The following YY1AP1 variants were observed in gnomAD, a reference collection of about 807,000 sequenced individuals.
YY1AP1 encodes the protein YY1-associated protein 1.
Under a neutral mutation model 39.9 loss-of-function variants are expected in YY1AP1, and 43 were observed. The ratio of observed to expected loss-of-function variants is 1.08; its 90% CI spans 0.84 to 1.39. The LOEUF (loss-of-function observed/expected upper bound fraction) is 1.39, where lower values mean the gene tolerates loss of function less well. YY1AP1 is among the 40% of genes most tolerant of loss of function. YY1AP1 has a pLI of 0.00. For missense variants in YY1AP1, 813 were observed against 900.7 expected (o/e 0.90, Z 1.25); for synonymous variants, 292 against 331.3 (o/e 0.88, Z 1.29).
chr1:155,685,344 C>A (rs1173776302), intron 2 of YY1AP1, among the ~76,000 whole-genome samples: 1 of 152,130 alleles, frequency 6.6e-6, no homozygotes. Flanking sequence ...AGAAAATTAG[C>A]GTCTCTTCAA....
intron 4 of YY1AP1, among the ~76,000 whole-genome samples, chr1:155,678,423 TAA>T (rs1651041026): frequency 6.6e-6 from 1 of 152,206 alleles, no homozygotes; most frequent in Non-Finnish European, 1.5e-5. Context: ...TAAGAAGTTA[TAA>T]AGAGTTGATC....
chr1:155,673,455 G>A (rs1338816584), intron 6 of YY1AP1, among the ~76,000 whole-genome samples: 2 of 152,254 alleles, frequency 1.3e-5, no homozygotes, highest in South Asian at 2.1e-4. Flanking sequence ...ACTAGCAAAT[G>A]TACTCTTCAA....
chr1:155,688,747 G>A lies in YY1AP1; in HGVS notation c.-240C>T, dbSNP rs1427254329. On this transcript the variant is annotated 5_prime_UTR_variant, in exon 1 of 11. Coordinates refer to ENST00000355499, the MANE Select transcript of YY1AP1 (RefSeq NM_139119.3). ...CGCACGGCCACCAACCGCCGCCAAA[G>A]CAGCCGCCGCCAGCACCCCCACCCT... is the stretch of plus-strand genomic sequence containing the variant. The A allele has an allele frequency of 1.4e-5, 21 of 1,515,834 alleles. No homozygotes were observed. The highest frequency in any genetic ancestry group is 1.7e-5 in the Non-Finnish European group (19 of 1,138,000). The allele number at this position is 1,515,834 out of a possible 1,614,324, so 93.9% of individuals were successfully genotyped here.
At chr1:155,672,765 A>T in intron 6 of YY1AP1, 34 bp from the exon 7 acceptor site, 3 of 1,614,166 alleles carry the variant, frequency 1.9e-6, no homozygotes, top group Non-Finnish European at 2.5e-6. Flanking sequence ...GATCTAAGAC[A>T]ATTCCAGACA....
chr1:155,688,230 A>G, intron 1 of YY1AP1, 29 bp from the exon 2 acceptor site: 1 of 1,612,960 alleles, frequency 6.2e-7, no homozygotes, highest in Non-Finnish European at 8.5e-7. Context: ...AGGAGAAGGG[A>G]AAGGTGGAGG....
intron 8 of YY1AP1, among the ~76,000 whole-genome samples, chr1:155,669,993 C>A (rs1649605592): frequency 6.6e-6 from 1 of 152,162 alleles, no homozygotes; most frequent in African/African-American, 2.4e-5. Flanking sequence ...ACACTGTACT[C>A]CAGCCTGGGT....
chr1:155,670,319 C>G lies in YY1AP1; in HGVS notation c.728+1G>C. On this transcript the variant is annotated splice_donor_variant, in intron 8 of 10. Transcript: ENST00000355499. LOFTEE classifies it high-confidence loss of function. Reference sequence around the variant, plus strand: ...TTTGATCCCCCAGAGTAAACACTTACTTGTCCTCAGCCTTGGTGAAGAGGA... The same window carrying G: ...TTTGATCCCCCAGAGTAAACACTTAGTTGTCCTCAGCCTTGGTGAAGAGGA... The G allele has an allele frequency of 6.2e-7, 1 of 1,612,102 alleles. No individual in the cohort carries two copies. Among genetic ancestry groups the G allele is most frequent in the Non-Finnish European group, 8.5e-7 (1 of 1,179,850 alleles).
At chr1:155,672,842 T>TA in intron 6 of YY1AP1, 111 bp from the exon 7 acceptor site, 2 of 1,448,362 alleles carry the variant, frequency 1.4e-6, no homozygotes, top group East Asian at 2.3e-5. Context: ...TAAAAACAGG[T>TA]AAAAATAATC....
intron 2 of YY1AP1, among the ~76,000 whole-genome samples, chr1:155,682,251 T>C (rs574373811): frequency 3.9e-5 from 6 of 152,304 alleles, no homozygotes; most frequent in African/African-American, 1.4e-4. Flanking sequence ...TTTTTAATTT[T>C]TATTCATTTG....
Position 155,676,462 on chromosome 1 carries a change from C to G in YY1AP1, c.324+86G>C. ...GTAAGGTAACTATCTCTGACATTTACAAAGCTGCTAATTTTAGATTATACC... is the reference window on the plus strand; with the variant it reads ...GTAAGGTAACTATCTCTGACATTTAGAAAGCTGCTAATTTTAGATTATACC... On this transcript the variant is annotated intron_variant, in intron 5 of 10. Transcript: ENST00000355499. The G allele has an allele frequency of 3.3e-6, 5 of 1,517,102 alleles. No individual in the cohort carries two copies. In the South Asian group the frequency reaches 5.7e-5, roughly 17 times the overall value. 94.0% of individuals were successfully genotyped at this position (1,517,102 alleles called of 1,614,324 possible).
At chr1:155,686,299 G>A (rs1453450456) in intron 2 of YY1AP1, among the ~76,000 whole-genome samples, 3 of 151,798 alleles carry the variant, frequency 2.0e-5, no homozygotes, top group Non-Finnish European at 4.4e-5. Flanking sequence ...CTCGTGATCC[G>A]CCCACCTCGG....
At chr1:155,661,268 C>A (rs369730748) in intron 10 of YY1AP1, 39 bp downstream of exon 10, 1 of 1,613,916 alleles carries the variant, frequency 6.2e-7, no homozygotes. Flanking sequence ...CTTTCAGTGA[C>A]CTTCTGCCTC....
intron 2 of YY1AP1, among the ~76,000 whole-genome samples, chr1:155,685,713 C>A (rs1315346310): frequency 6.6e-6 from 1 of 152,146 alleles, no homozygotes; most frequent in African/African-American, 2.4e-5. Context: ...CACACCCGAA[C>A]AATGAAAATG....
Position 155,679,416 on chromosome 1 carries a change from C to G in YY1AP1, c.118G>C (p.Ala40Pro). The G allele has an allele frequency of 6.2e-7, 1 of 1,614,112 alleles. No homozygotes were observed. Among genetic ancestry groups the G allele is most frequent in the Non-Finnish European group, 8.5e-7 (1 of 1,180,028 alleles). The change falls in exon 4 of 11, where the codon GCT becomes CCT. Residue 40 changes from alanine to proline, a missense_variant. By Grantham distance (27) the Ala-to-Pro change is conservative. This residue lies in a region of YY1AP1 where 196 missense variants were observed against 189.7 expected (regional missense o/e 1.03). Coordinates refer to ENST00000355499, the MANE Select transcript of YY1AP1 (RefSeq NM_139119.3). Reference sequence around the variant, plus strand: ...GGTCTTCAACTAGCCTACCGTAGAGCTTGAGGGGTGTTAAAGTTAGCTTGA... The same window carrying G: ...GGTCTTCAACTAGCCTACCGTAGAGGTTGAGGGGTGTTAAAGTTAGCTTGA... ...EPQANFNTPQ[A>P]LRFEELLANL...
intron 3 of YY1AP1, chr1:155,679,777 A>G: frequency 1.0e-6 from 1 of 983,540 alleles, no homozygotes; most frequent in Non-Finnish European, 1.2e-6. Flanking sequence ...AATTTCTTAA[A>G]CAGAAATATC....
chr1:155,665,651 G>A (rs1177843632), intron 9 of YY1AP1, among the ~76,000 whole-genome samples: 1 of 151,670 alleles, frequency 6.6e-6, no homozygotes, highest in Non-Finnish European at 1.5e-5. Context: ...GGTGTCTCAC[G>A]CCTGTAATCC....
intron 9 of YY1AP1, among the ~76,000 whole-genome samples, chr1:155,661,784 T>C (rs1212671107): frequency 6.6e-6 from 1 of 152,020 alleles, no homozygotes; most frequent in Non-Finnish European, 1.5e-5. Context: ...GCCTCCGGAG[T>C]AGCTGGGACT....
intron 9 of YY1AP1, among the ~76,000 whole-genome samples, chr1:155,663,705 C>T (rs544778214): frequency 2.0e-5 from 3 of 152,052 alleles, no homozygotes; most frequent in African/African-American, 4.8e-5. Flanking sequence ...GGCAATGGAG[C>T]GAGACTCTGT....
At chr1:155,682,400 T>C (rs997547405) in intron 2 of YY1AP1, among the ~76,000 whole-genome samples, 4 of 152,160 alleles carry the variant, frequency 2.6e-5, no homozygotes, top group East Asian at 1.9e-4. Flanking sequence ...AGATAAAAAA[T>C]AGACATTTTT....
Sources: allele counts gnomAD v4.1 joint callset (sites outside exome capture counted in the v4.1 genomes callset), GRCh38; gene constraint gnomAD v4.1.1; regional missense constraint gnomAD v4.1.1; transcripts MANE v1.5; gene names NCBI Gene and HGNC (gene_info 2026-07-23, HGNC 2026-07-21).